CEP192: variants seen among roughly 807,000 people sequenced by gnomAD.
CEP192 encodes centrosomal protein 192.
Under a neutral mutation model 271.8 loss-of-function variants are expected in CEP192, and 151 were observed. The observed-to-expected ratio is 0.56, with a 90% CI of 0.49 to 0.64. CEP192 has a LOEUF of 0.64. Ranked by LOEUF, CEP192 falls within the 30% of genes least tolerant of loss-of-function variation. CEP192 has a pLI of 0.00. For synonymous variants in CEP192, 995 were observed against 1,076.5 expected (o/e 0.92, Z 1.48); for missense variants, 2,910 against 3,020.5 (o/e 0.96, Z 0.86).
intron 3 of CEP192, among the ~76,000 whole-genome samples, chr18:13,003,473 G>A (rs940737767): frequency 7.9e-6 from 1 of 126,964 alleles, no homozygotes; most frequent in African/African-American, 3.0e-5. Context: ...AAAAAAAAAA[G>A]AAGATATGAG....
intron 28 of CEP192, among the ~76,000 whole-genome samples, chr18:13,071,744 GTA>G (rs764352655): frequency 2.0e-5 from 3 of 151,890 alleles, no homozygotes; most frequent in Admixed American, 6.6e-5. Flanking sequence ...GAGACTCCCT[GTA>G]TTGTACAGGT....
chr18:13,025,862 T>C (rs1288095977), intron 9 of CEP192, among the ~76,000 whole-genome samples: 3 of 152,180 alleles, frequency 2.0e-5, no homozygotes, highest in Non-Finnish European at 4.4e-5. Flanking sequence ...ATTGAATACA[T>C]TGTTGCCATT....
intron 1 of CEP192, among the ~76,000 whole-genome samples, chr18:12,995,255 G>C (rs1311294044): frequency 1.3e-5 from 2 of 151,796 alleles, no homozygotes; most frequent in African/African-American, 4.8e-5. Flanking sequence ...TAGTAGAGAC[G>C]GGGTTTCACC....
intron 2 of CEP192, among the ~76,000 whole-genome samples, chr18:13,000,145 A>G (rs2033549055): frequency 8.3e-6 from 1 of 119,944 alleles, no homozygotes; most frequent in African/African-American, 3.1e-5. Context: ...TTTTATAGAG[A>G]TAGGGTCTTG....
At chr18:13,027,391 C>A (rs138847973) in intron 9 of CEP192, among the ~76,000 whole-genome samples, 1 of 152,276 alleles carries the variant, frequency 6.6e-6, no homozygotes, top group Non-Finnish European at 1.5e-5. Context: ...AGCATGGGGC[C>A]CACCTATGAC....
At chr18:12,996,426 A>T (rs1312836412) in intron 1 of CEP192, among the ~76,000 whole-genome samples, 2 of 152,086 alleles carry the variant, frequency 1.3e-5, no homozygotes, top group African/African-American at 4.8e-5. Flanking sequence ...AATTAATTGG[A>T]ATCAAGATTC....
rs1256949218 is a variant in CEP192 at position 13,113,667 on chromosome 18, C to T, written c.7129C>T (p.His2377Tyr). 1.5e-5 allele frequency: 25 copies of T among 1,613,224 alleles called. No individual in the cohort carries two copies. Among genetic ancestry groups the T allele is most frequent in the Non-Finnish European group, 2.1e-5 (25 of 1,179,492 alleles). ...TGAATGTCACCCTCTTAAGGAGCCT[C>T]ACATGAAACACACGTTGAGATTCCA... ...DVECHPLKEP[H>Y]MKHTLRFQLS... The change falls in exon 41 of 45, where the codon CAC (histidine) becomes TAC (tyrosine). Residue 2377 changes from histidine to tyrosine, a missense_variant. By Grantham distance (83) the His-to-Tyr change is moderately conservative. Coordinates refer to ENST00000506447, the MANE Select transcript of CEP192 (RefSeq NM_032142.4).
At position 13,059,293 on chromosome 18, in the gene CEP192, C is replaced by T. The variant is rs866982468; in HGVS notation, c.4469C>T (p.Ala1490Val). The part of the protein sequence containing the change: ...LASTVTLTAI[A>V]ESPVIEVETE... ...AGCACCGTCACTCTCACTGCCATTG[C>T]CGAGAGTCCTGTTATTGAGGTACCT... Residue 1490 changes from alanine (A) to valine (V), a missense_variant, in exon 21 of 45, where the codon GCC becomes GTC. Ala to Val is a moderately conservative substitution (Grantham distance 64). Coordinates refer to ENST00000506447, the MANE Select transcript of CEP192 (RefSeq NM_032142.4). 1 of 1,613,294 alleles carries T rather than the reference C, an allele frequency of 6.2e-7. No homozygotes were observed. The highest frequency in any genetic ancestry group is 8.5e-7 in the Non-Finnish European group (1 of 1,179,242).
intron 5 of CEP192, 30 bp from the exon 6 acceptor site, chr18:13,015,297 CT>C (rs1761830169): frequency 1.4e-5 from 22 of 1,545,348 alleles, no homozygotes; most frequent in Middle Eastern, 1.7e-4. Context: ...CCTGAATGTG[CT>C]TCTCTTACTT....
At chr18:13,102,527 C>T (rs1379361781) in intron 38 of CEP192, among the ~76,000 whole-genome samples, 1 of 152,184 alleles carries the variant, frequency 6.6e-6, no homozygotes, top group Non-Finnish European at 1.5e-5. Context: ...GCTGCTGTCA[C>T]CTCATGCCCG....
chr18:13,054,067 A>G (rs573482744), intron 18 of CEP192, among the ~76,000 whole-genome samples: 7 of 152,254 alleles, frequency 4.6e-5, no homozygotes, highest in South Asian at 4.1e-4. Flanking sequence ...GCCTCAAGCG[A>G]TCTTCCTGCC....
chr18:13,030,067 A>G, intron 10 of CEP192, 65 bp downstream of exon 10: 3 of 1,225,934 alleles, frequency 2.4e-6, no homozygotes, highest in Non-Finnish European at 3.4e-6. Flanking sequence ...AATAGGACAT[A>G]TTTTCATGTG....
chr18:13,106,863 A>G (rs952491948), intron 40 of CEP192, among the ~76,000 whole-genome samples: 4 of 152,274 alleles, frequency 2.6e-5, no homozygotes, highest in African/African-American at 9.6e-5. Context: ...TACGTTGCTT[A>G]AATATGACAA....
intron 15 of CEP192, among the ~76,000 whole-genome samples, chr18:13,046,902 C>T (rs1042118485): frequency 1.5e-5 from 2 of 131,088 alleles, no homozygotes; most frequent in African/African-American, 2.9e-5. Flanking sequence ...ATGTCTTTAT[C>T]TCCCTGTTAC....
intron 21 of CEP192, among the ~76,000 whole-genome samples, chr18:13,065,642 C>T (rs1476380091): frequency 6.6e-6 from 1 of 152,196 alleles, no homozygotes; most frequent in African/African-American, 2.4e-5. Context: ...TTTAAGCACA[C>T]ACACATACAT....
chr18:13,080,389 C>G (rs1205354724), intron 30 of CEP192, among the ~76,000 whole-genome samples: 3 of 152,164 alleles, frequency 2.0e-5, no homozygotes, highest in Admixed American at 6.6e-5. Context: ...ATTTCATTCT[C>G]TTTGTAGCAA....
At chr18:13,002,695 A>C (rs1313460521) in intron 3 of CEP192, among the ~76,000 whole-genome samples, 2 of 152,226 alleles carry the variant, frequency 1.3e-5, no homozygotes, top group Non-Finnish European at 1.5e-5. Context: ...AAAATAATTT[A>C]TATAATACAT....
intron 44 of CEP192, 52 bp downstream of exon 44, chr18:13,117,695 C>T (rs2040496481): frequency 7.0e-7 from 1 of 1,423,582 alleles, no homozygotes; most frequent in East Asian, 2.3e-5. Context: ...GGACTTTCGT[C>T]TCTTGGGAGT....
At chr18:13,009,716 C>G (rs1329482074) in intron 4 of CEP192, among the ~76,000 whole-genome samples, 1 of 152,142 alleles carries the variant, frequency 6.6e-6, no homozygotes, top group Non-Finnish European at 1.5e-5. Context: ...ACCTGTAATC[C>G]CAGCTACCCG....
Sources: gnomAD v4.1 joint callset for allele counts (sites outside exome capture counted in the v4.1 genomes callset) on GRCh38, gnomAD v4.1.1 for gene constraint, MANE v1.5 for transcripts, NCBI Gene and HGNC (gene_info 2026-07-23, HGNC 2026-07-21) for gene names.